ATP23: variants seen among roughly 807,000 people sequenced by gnomAD.
ATP23 encodes the protein mitochondrial inner membrane protease ATP23 homolog.
Under a neutral mutation model 28.5 loss-of-function variants are expected in ATP23, and 24 were observed. That is an observed-to-expected ratio of 0.84 (90% CI 0.61 to 1.18). ATP23 has a LOEUF of 1.18. ATP23 is among the 50% of genes most tolerant of loss of function. ATP23 has a pLI of 0.00. For synonymous variants in ATP23, 99 were observed against 108.6 expected (o/e 0.91, Z 0.55); for missense variants, 274 against 306.4 (o/e 0.89, Z 0.79).
At chr12:57,947,798 C>T (rs968412445) in intron 3 of ATP23, among the ~76,000 whole-genome samples, 7 of 152,094 alleles carry the variant, frequency 4.6e-5, no homozygotes, top group African/African-American at 1.7e-4. Context: ...TTTAAGTCAT[C>T]AGAGAGTTTC....
Position 57,957,706 on chromosome 12 carries a change from G to A in ATP23, c.*816G>A, listed in dbSNP as rs1356567964. ...TTTAGAGAGCCGAGCGAAATACAGG[G>A]GTAGAGCAAGCAGCAGGAAGGCCCA... On this transcript the variant is annotated 3_prime_UTR_variant, in exon 6 of 6. Coordinates refer to ENST00000300145, the MANE Select transcript of ATP23 (RefSeq NM_033276.4). Among the ~76,000 whole-genome samples the A allele has an allele frequency of 1.3e-5, 2 of 152,180 alleles. No individual in the cohort carries two copies. The highest frequency in any genetic ancestry group is 4.8e-5 in the African/African-American group (2 of 41,428).
At chr12:57,945,750 C>A in intron 2 of ATP23, 77 bp downstream of exon 2, 1 of 1,336,770 alleles carries the variant, frequency 7.5e-7, no homozygotes, top group Non-Finnish European at 1.1e-6. Context: ...CTTAAGAGAA[C>A]TGCTTAAGAT....
rs1385749894 is a variant in ATP23 at position 57,949,525 on chromosome 12, GCT to G, written c.316-2230_316-2229del. On this transcript the variant is annotated intron_variant, in intron 3 of 5. Coordinates refer to ENST00000300145, the MANE Select transcript of ATP23 (RefSeq NM_033276.4). ...AAAAGTTTTTTTGGGACAGGGTCTT[GCT>G]CTGTCGCCTAGGCTGGAGTGCAGTG... Among the ~76,000 whole-genome samples, 29 of 152,054 alleles carry G rather than the reference GCT, an allele frequency of 1.9e-4. No individual in the cohort carries two copies. The East Asian group carries it at 4.4e-3, about 23-fold the overall frequency.
At chr12:57,947,119 CT>C (rs1467493789) in intron 3 of ATP23, 43 bp downstream of exon 3, 5 of 1,575,462 alleles carry the variant, frequency 3.2e-6, no homozygotes, top group African/African-American at 1.4e-5. Flanking sequence ...TTAATCCTCT[CT>C]CTTTATATTT....
intron 3 of ATP23, among the ~76,000 whole-genome samples, chr12:57,948,344 G>A (rs185790135): frequency 3.3e-5 from 5 of 152,178 alleles, no homozygotes; most frequent in Non-Finnish European, 5.9e-5. Flanking sequence ...ATGCAGTGGT[G>A]CAATATGGGC....
At chr12:57,953,067 G>A (rs1956830388) in intron 4 of ATP23, among the ~76,000 whole-genome samples, 1 of 152,204 alleles carries the variant, frequency 6.6e-6, no homozygotes, top group African/African-American at 2.4e-5. Context: ...GTCCCTAGAG[G>A]AAGGTCATGA....
chr12:57,952,005 T>C lies in ATP23; in HGVS notation c.453+110T>C, dbSNP rs1048374117. On this transcript the variant is annotated intron_variant, in intron 4 of 5. Transcript: ENST00000300145. ...TTACTGTCATAGTTCTACCTTAGTC[T>C]TGAATTTCGGTTTATAACTAACATT... The C allele has an allele frequency of 2.9e-6, 4 of 1,398,284 alleles. No individual in the cohort carries two copies. The African/African-American group carries it at 5.8e-5, about 20-fold the overall frequency. 86.6% of individuals were successfully genotyped at this position (1,398,284 alleles called of 1,614,324 possible). A position where few individuals can be genotyped will look rare whatever the true frequency, so the allele number is the denominator to read the frequency against.
At chr12:57,950,664 A>AT (rs935201901) in intron 3 of ATP23, among the ~76,000 whole-genome samples, 2 of 151,770 alleles carry the variant, frequency 1.3e-5, no homozygotes, top group Non-Finnish European at 2.9e-5. Context: ...AGCTGGGACT[A>AT]TAGGCATGTG....
At chr12:57,950,702 A>T (rs1405212866) in intron 3 of ATP23, among the ~76,000 whole-genome samples, 2 of 150,840 alleles carry the variant, frequency 1.3e-5, no homozygotes, top group Non-Finnish European at 3.0e-5. Flanking sequence ...TTTTTATTTT[A>T]TTTTTTTATA....
intron 2 of ATP23, among the ~76,000 whole-genome samples, chr12:57,946,550 C>A (rs919127313): frequency 4.0e-5 from 6 of 150,834 alleles, no homozygotes; most frequent in Admixed American, 6.6e-5. Flanking sequence ...CTCCGCCTCC[C>A]GGGTTCAAGA....
chr12:57,952,691 C>T (rs1956827076), intron 4 of ATP23, among the ~76,000 whole-genome samples: 1 of 152,096 alleles, frequency 6.6e-6, no homozygotes, highest in Non-Finnish European at 1.5e-5. Flanking sequence ...AATTATAATT[C>T]CAATTATTTG....
At position 57,958,581 on chromosome 12, in the gene ATP23, G is replaced by C. The variant is rs1024638374; in HGVS notation, c.*1691G>C. Among the ~76,000 whole-genome samples, 2 of 152,168 alleles carry C rather than the reference G, an allele frequency of 1.3e-5. No individual in the cohort carries two copies. Among genetic ancestry groups the C allele is most frequent in the African/African-American group, 4.8e-5 (2 of 41,444 alleles). ...CAGGATTCTGTGCAGGCAACCCCCAGTACCAGCATGGAGCTGGGTAGACTC... is the reference window on the plus strand; with the variant it reads ...CAGGATTCTGTGCAGGCAACCCCCACTACCAGCATGGAGCTGGGTAGACTC... On this transcript the variant is annotated 3_prime_UTR_variant, in exon 6 of 6. Transcript: ENST00000300145.
chr12:57,952,764 GC>G (rs1213997069), intron 4 of ATP23, among the ~76,000 whole-genome samples: 1 of 152,124 alleles, frequency 6.6e-6, no homozygotes, highest in Non-Finnish European at 1.5e-5. Flanking sequence ...GAGAATTAAT[GC>G]CTTTTAGCTA....
chr12:57,953,685 A>G lies in ATP23; in HGVS notation c.533A>G (p.His178Arg). ...FRLHFGLKQH[H>R]QTCVRDRATL... ...TTACATTTTGGATTAAAACAACACC[A>G]CCAGGTAAAAACTAATATGAAATCA... The change falls in exon 5 of 6, where the codon CAC becomes CGC. Residue 178 changes from histidine to arginine, a missense_variant. Physicochemically the swap from His to Arg is conservative, Grantham distance 29. Coordinates refer to ENST00000300145, the MANE Select transcript of ATP23 (RefSeq NM_033276.4). 1 of 1,613,554 alleles carries G rather than the reference A, an allele frequency of 6.2e-7. No individual in the cohort carries two copies. Among genetic ancestry groups the G allele is most frequent in the East Asian group, 2.2e-5 (1 of 44,858 alleles).
chr12:57,944,881 C>T (rs1366914799), intron 1 of ATP23, among the ~76,000 whole-genome samples: 1 of 152,164 alleles, frequency 6.6e-6, no homozygotes, highest in East Asian at 1.9e-4. Flanking sequence ...TGTGGAAGAG[C>T]TTCAGTGGCA....
chr12:57,948,805 T>C (rs1956788263), intron 3 of ATP23, among the ~76,000 whole-genome samples: 1 of 152,218 alleles, frequency 6.6e-6, no homozygotes, highest in Non-Finnish European at 1.5e-5. Context: ...ATTCCCTGCT[T>C]TTCTGAATGG....
At chr12:57,942,013 C>T (rs1565871723) in intron 1 of ATP23, 125 bp downstream of exon 1, 19 of 1,179,008 alleles carry the variant, frequency 1.6e-5, no homozygotes, top group Non-Finnish European at 1.9e-5. Context: ...ACAGACTGGG[C>T]ATCATGGGGG....
chr12:57,945,650 T>C lies in ATP23; in HGVS notation c.210T>C (p.Leu70=). Residue 70 remains leucine, a synonymous_variant, in exon 2 of 6, where the codon CTT becomes CTC. Transcript: ENST00000300145. ...LETNPYVKLL[L]DAMKHSGCAV... The stretch of plus-strand genomic sequence containing the variant: ...TAGATCCATATGTCAAACTTCTGCT[T>C]GATGCTATGAAACACTCAGGTTGGT... 6.2e-7 allele frequency: 1 copy of C among 1,613,826 alleles called. No individual in the cohort carries two copies. Among genetic ancestry groups the C allele is most frequent in the South Asian group, 1.1e-5 (1 of 91,066 alleles).
In ATP23 at chr12:57,956,657, T is replaced by C. The variant is rs763435614; in HGVS notation, c.538-30T>C. On this transcript the variant is annotated intron_variant, in intron 5 of 5. Transcript: ENST00000300145. Reference sequence around the variant, plus strand: ...TTCGTGATTAAATGTTTATATAAAATTAGAGCCTCATACTTTTCCTTCTTT... The same window carrying C: ...TTCGTGATTAAATGTTTATATAAAACTAGAGCCTCATACTTTTCCTTCTTT... The C allele has an allele frequency of 2.0e-6, 3 of 1,493,748 alleles. No individual in the cohort carries two copies. In the South Asian group the frequency reaches 3.8e-5, roughly 19 times the overall value. 92.5% of individuals were successfully genotyped at this position (1,493,748 alleles called of 1,614,324 possible). A position where few individuals can be genotyped will look rare whatever the true frequency, so the allele number is the denominator to read the frequency against.
Sources: gnomAD v4.1 joint callset for allele counts (sites outside exome capture counted in the v4.1 genomes callset) on GRCh38, gnomAD v4.1.1 for gene constraint, MANE v1.5 for transcripts, NCBI Gene and HGNC (gene_info 2026-07-23, HGNC 2026-07-21) for gene names.